Variants in RAB33B observed in about 807,000 individuals in gnomAD.
RAB33B encodes the protein ras-related protein Rab-33B.
Under a neutral mutation model 15.0 loss-of-function variants are expected in RAB33B, and 6 were observed. The observed-to-expected ratio is 0.40, with a 90% confidence interval of 0.22 to 0.79. The LOEUF (loss-of-function observed/expected upper bound fraction) is 0.79. RAB33B is among the 30% of genes least tolerant of loss of function. RAB33B has a pLI of 0.37. For synonymous variants in RAB33B, 117 were observed against 108.3 expected (o/e 1.08, Z -0.50); for missense variants, 257 against 296.4 (o/e 0.87, Z 0.98).
intron 1 of RAB33B, among the ~76,000 whole-genome samples, chr4:139,459,983 A>G (rs1477360755): frequency 1.3e-5 from 2 of 152,194 alleles, no homozygotes; most frequent in African/African-American, 4.8e-5. Flanking sequence ...TGTTGAATAT[A>G]TAGAGGCAGA....
At chr4:139,455,101 C>A (rs1037784569) in intron 1 of RAB33B, among the ~76,000 whole-genome samples, 1 of 152,158 alleles carries the variant, frequency 6.6e-6, no homozygotes, top group Non-Finnish European at 1.5e-5. Flanking sequence ...ATTCTTTATT[C>A]CCTTTAAGTC....
At chr4:139,466,601 C>T (rs1228608325) in intron 1 of RAB33B, among the ~76,000 whole-genome samples, 1 of 149,832 alleles carries the variant, frequency 6.7e-6, no homozygotes, top group Non-Finnish European at 1.5e-5. Context: ...TTTTTTGAGA[C>T]ATAGTCTTGT....
rs887659347 is a variant in RAB33B at position 139,470,033 on chromosome 4, T to C, written c.250-2653T>C. On this transcript the variant is annotated intron_variant, in intron 1 of 1. Transcript: ENST00000305626. ...AAAGCAGTGTGTCTCACCCAAGGCC[T>C]GCTGTAACTACTCCCTGGCTACCGC... 3.9e-5 allele frequency among the ~76,000 whole-genome samples: 6 copies of C among 152,296 alleles called. No homozygotes were observed. In the South Asian group the frequency reaches 1.2e-3, roughly 32 times the overall value.
chr4:139,465,309 A>G (rs2111079741), intron 1 of RAB33B, among the ~76,000 whole-genome samples: 1 of 152,300 alleles, frequency 6.6e-6, no homozygotes, highest in South Asian at 2.1e-4. Flanking sequence ...AGATGGGTAG[A>G]TTGCAAAAAT....
At chr4:139,449,259 C>T (rs1182602054), upstream of RAB33B, 1 of 152,142 alleles carries the variant, frequency 6.6e-6, no homozygotes, top group Non-Finnish European at 1.5e-5. Context: ...GTGTTTCCAG[C>T]TGTACAAAGG....
intron 1 of RAB33B, among the ~76,000 whole-genome samples, chr4:139,460,560 A>G (rs890891238): frequency 6.6e-6 from 1 of 152,252 alleles, no homozygotes; most frequent in African/African-American, 2.4e-5. Context: ...GTCACCTTAT[A>G]CCCTACCTTA....
intron 1 of RAB33B, among the ~76,000 whole-genome samples, chr4:139,457,188 G>C (rs1042455205): frequency 2.6e-5 from 4 of 152,186 alleles, no homozygotes; most frequent in African/African-American, 9.6e-5. Flanking sequence ...ATTTAAGAAA[G>C]CCTATATCTG....
chr4:139,456,407 G>A (rs556529678), intron 1 of RAB33B, among the ~76,000 whole-genome samples: 1 of 152,334 alleles, frequency 6.6e-6, no homozygotes, highest in Non-Finnish European at 1.5e-5. Flanking sequence ...AAAGATAACA[G>A]ATGAATCAGG....
rs1232924549 is a variant in RAB33B, at chr4:139,474,718, T to C, written c.*1592T>C. ...AGAAGTTTTTTAACCTAAATACTTTTATTTTGAATTTAAGTCTTTGCACAT... is the reference window on the plus strand; with the variant it reads ...AGAAGTTTTTTAACCTAAATACTTTCATTTTGAATTTAAGTCTTTGCACAT... On this transcript the variant is annotated 3_prime_UTR_variant, in exon 2 of 2. Transcript: ENST00000305626. 6.5e-6 allele frequency: 1 copy of C among 152,674 alleles called. No homozygotes were observed. The highest frequency in any genetic ancestry group is 2.4e-5 in the African/African-American group (1 of 41,464). The allele number at this position is 152,674 out of a possible 1,614,324, so 9.5% of individuals were successfully genotyped here.
upstream of RAB33B, among the ~76,000 whole-genome samples, chr4:139,448,243 C>A (rs568761186): frequency 9.8e-5 from 15 of 152,296 alleles, no homozygotes; most frequent in East Asian, 2.5e-3. Flanking sequence ...AGGAAAAAAA[C>A]CACGACCTGC....
chr4:139,448,895 C>G (rs1333584828), upstream of RAB33B: 1 of 152,190 alleles, frequency 6.6e-6, no homozygotes, highest in Non-Finnish European at 1.5e-5. Context: ...TTAGTGTGTG[C>G]ATGGGTAGGA....
chr4:139,462,070 TTTTGACGGAGTCTCGCTCTGTCGC>T, intron 1 of RAB33B, among the ~76,000 whole-genome samples: 1 of 149,674 alleles, frequency 6.7e-6, no homozygotes, highest in South Asian at 2.1e-4. Context: ...TTTTTTTTTT[TTTTGACGGAGTCTCGCTCTGTCGC>T]CCAGGTTGGA....
chr4:139,444,336 G>A, the RAB33B span, among the ~76,000 whole-genome samples: 3 of 152,174 alleles, frequency 2.0e-5, no homozygotes, highest in African/African-American at 7.2e-5. Context: ...GGGATCCAAA[G>A]GCTTAAGGAT....
In RAB33B at chr4:139,473,290, T is replaced by A. The variant is rs1468119383; in HGVS notation, c.*164T>A. The A allele has an allele frequency of 9.0e-5, 60 of 663,482 alleles. No individual in the cohort carries two copies. The highest frequency in any genetic ancestry group is 4.8e-6 in the Non-Finnish European group (2 of 414,510). The allele number at this position is 663,482 out of a possible 1,614,324, so 41.1% of individuals were successfully genotyped here. A position where few individuals can be genotyped will look rare whatever the true frequency, so the allele number is the denominator to read the frequency against. On this transcript the variant is annotated 3_prime_UTR_variant, in exon 2 of 2. Transcript: ENST00000305626. ...TTTTGTATCTACTTAAGTTTGTCAC[T>A]GTGACAACACAGGAAAAGTTGGTTT...
upstream of RAB33B, chr4:139,450,943 C>T (rs371398748): frequency 1.3e-5 from 2 of 149,810 alleles, no homozygotes; most frequent in African/African-American, 2.5e-5. Flanking sequence ...TTCTTGTCCC[C>T]GAGGCTGAAG....
Position 139,475,927 on chromosome 4 carries a change from T to C in RAB33B, c.*2801T>C, listed in dbSNP as rs1750492825. On this transcript the variant is annotated 3_prime_UTR_variant, in exon 2 of 2. Transcript: ENST00000305626. ...TTAGCCACAAAGAAATTGTGTTTTA[T>C]TTTCTTTGTTTGGTTACTGGGTAGA... 6.6e-6 allele frequency: 1 copy of C among 152,204 alleles called. No individual in the cohort carries two copies. The highest frequency in any genetic ancestry group is 1.5e-5 in the Non-Finnish European group (1 of 68,006). 9.4% of individuals were successfully genotyped at this position (152,204 alleles called of 1,614,324 possible).
At chr4:139,465,854 C>T (rs760225724) in intron 1 of RAB33B, among the ~76,000 whole-genome samples, 21 of 151,826 alleles carry the variant, frequency 1.4e-4, no homozygotes, top group Non-Finnish European at 2.4e-4. Context: ...CTCAGCCTCC[C>T]AAGTAACTGG....
At chr4:139,450,890 TTC>T (rs987886818), upstream of RAB33B, 3 of 150,340 alleles carry the variant, frequency 2.0e-5, no homozygotes, top group African/African-American at 4.9e-5. Context: ...CCTTATGCTA[TTC>T]TGTTTTCTAC....
chr4:139,452,514 TA>T (rs1749950135), upstream of RAB33B: 1 of 152,226 alleles, frequency 6.6e-6, no homozygotes, highest in Non-Finnish European at 1.5e-5. Flanking sequence ...ATGGGATAGG[TA>T]GAGCAGATTA....
Sources: gnomAD v4.1 joint callset for allele counts (sites outside exome capture counted in the v4.1 genomes callset) on GRCh38, gnomAD v4.1.1 for gene constraint, MANE v1.5 for transcripts, NCBI Gene and HGNC (gene_info 2026-07-23, HGNC 2026-07-21) for gene names.